Variants in TNS1 observed in about 807,000 individuals in gnomAD.
The protein encoded by TNS1 is tensin-1.
A neutral mutation model predicts 168.6 loss-of-function variants in TNS1; 62 were observed. The observed-to-expected ratio is 0.37, with a 90% CI of 0.30 to 0.45. The LOEUF (loss-of-function observed/expected upper bound fraction) is 0.45. Among genes scored for constraint, TNS1 ranks in the 20% least tolerant of loss-of-function variants. The probability of loss-of-function intolerance (pLI) is 1.00; values close to 1 mark genes in which losing one functional copy is unlikely to be tolerated. For missense variants in TNS1, 2,240 were observed against 2,339.4 expected, an observed-to-expected ratio of 0.96 and a Z score of 0.88; for synonymous variants, 934 against 933.2, an observed-to-expected ratio of 1.00 and a Z score of -0.02.
At position 217,831,527 on chromosome 2, in the gene TNS1, C is replaced by A; in HGVS notation, c.3301G>T (p.Ala1101Ser). 2 of 1,549,096 alleles carry A rather than the reference C, an allele frequency of 1.3e-6. No individual in the cohort carries two copies. The highest frequency in any genetic ancestry group is 1.7e-6 in the Non-Finnish European group (2 of 1,151,738). ...CCCAGAGCAGACAGGGGTGTCTTGG[C>A]CAGACCCGGGGGGGACCGCACTGTG... ...PSGVRSPPGL[A>S]KTPLSALGLK... The change falls in exon 22 of 33, where the codon GCC (alanine) becomes TCC (serine). Residue 1101 changes from alanine (A) to serine (S), a missense_variant. This residue lies in a region of TNS1 where 2,131 missense variants were observed against 2,171.2 expected (regional missense o/e 0.98). Transcript: ENST00000682258.
intron 19 of TNS1, 22 bp downstream of exon 19, chr2:217,847,488 G>A (rs1946816873): frequency 7.0e-7 from 1 of 1,425,510 alleles, no homozygotes; most frequent in Non-Finnish European, 9.3e-7. Context: ...GGTAGAAGGA[G>A]TCAGGACTGA....
intron 19 of TNS1, among the ~76,000 whole-genome samples, chr2:217,843,798 C>T (rs1471403465): frequency 6.6e-6 from 1 of 152,206 alleles, no homozygotes; most frequent in Non-Finnish European, 1.5e-5. Context: ...TACCTCCCTT[C>T]ATGGCCATTC....
At chr2:217,967,049 G>A (rs1377250302) in intron 3 of TNS1, among the ~76,000 whole-genome samples, 1 of 152,238 alleles carries the variant, frequency 6.6e-6, no homozygotes, top group Non-Finnish European at 1.5e-5. Context: ...GCCGGGTGCG[G>A]TGGCTCACGC....
At chr2:218,000,947 T>A (rs2105977302) in intron 1 of TNS1, among the ~76,000 whole-genome samples, 1 of 152,016 alleles carries the variant, frequency 6.6e-6, no homozygotes, top group African/African-American at 2.4e-5. Context: ...AGGTCAGGAG[T>A]TCGAGGCCAG....
rs139640245 is a variant in TNS1 at position 217,954,970 on chromosome 2, G to A, written c.186+23795C>T. Among the ~76,000 whole-genome samples the A allele has an allele frequency of 2.7e-3, 404 of 152,120 alleles. 2 individuals are homozygous for A. Among genetic ancestry groups the A allele is most frequent in the Admixed American group, 5.8e-3 (88 of 15,296 alleles). On this transcript the variant is annotated intron_variant, in intron 3 of 32. Transcript: ENST00000682258. ...ACAAAAGATCCATGCACACACTTCC[G>A]TGAATGTACACACACACACACACAG...
At chr2:217,960,071 G>A (rs1418658868) in intron 3 of TNS1, among the ~76,000 whole-genome samples, 2 of 152,086 alleles carry the variant, frequency 1.3e-5, no homozygotes, top group Non-Finnish European at 2.9e-5. Context: ...CCGCTGCACA[G>A]CCCCTCACCT....
intron 3 of TNS1, among the ~76,000 whole-genome samples, chr2:217,939,072 C>A (rs1956780869): frequency 6.6e-6 from 1 of 152,090 alleles, no homozygotes; most frequent in African/African-American, 2.4e-5. Context: ...TAATAACTAA[C>A]CTTCATTGAG....
chr2:217,872,792 T>C (rs1477498661), intron 18 of TNS1, among the ~76,000 whole-genome samples: 3 of 152,240 alleles, frequency 2.0e-5, no homozygotes, highest in Non-Finnish European at 2.9e-5. Context: ...AATGCAAATG[T>C]TCATCAATTG....
chr2:217,831,020 G>A (rs531390722), intron 22 of TNS1, among the ~76,000 whole-genome samples: 1 of 152,308 alleles, frequency 6.6e-6, no homozygotes, highest in South Asian at 2.1e-4. Context: ...AGAGCCAGCT[G>A]GGCTGCCAGC....
In TNS1 at chr2:217,818,223, G is replaced by T. The variant is rs766711676; in HGVS notation, c.4109C>A (p.Thr1370Asn). 6 of 1,613,826 alleles carry T rather than the reference G, an allele frequency of 3.7e-6. No individual in the cohort carries two copies. The highest frequency in any genetic ancestry group is 3.3e-5 in the South Asian group (3 of 91,068). The change falls in exon 24 of 33, where the codon ACC (threonine) becomes AAC (asparagine). Residue 1370 changes from threonine to asparagine, a missense_variant. Coordinates refer to ENST00000682258, the MANE Select transcript of TNS1 (RefSeq NM_001387777.1). ...CCGGCCCAGGCTGGGACTCCCCGGGGTGGTGGCCACTTTGTTGTGGAGGCC... is the reference window on the plus strand; with the variant it reads ...CCGGCCCAGGCTGGGACTCCCCGGGTTGGTGGCCACTTTGTTGTGGAGGCC... ...VSGLHNKVAT[T>N]PGSPSLGRHP...
chr2:217,893,429 C>G lies in TNS1; in HGVS notation c.717+10G>C, dbSNP rs1482487004. 2 of 1,590,980 alleles carry G rather than the reference C, an allele frequency of 1.3e-6. No individual in the cohort carries two copies. The highest frequency in any genetic ancestry group is 8.6e-7 in the Non-Finnish European group (1 of 1,165,206). On this transcript the variant is annotated intron_variant, in intron 10 of 32. Coordinates refer to ENST00000682258, the MANE Select transcript of TNS1 (RefSeq NM_001387777.1). ...ACACACACACACACACACACACACA[C>G]AGCTCTGACCTTGTTGTGTAGAACA...
At chr2:217,893,400 G>GCACA (rs55877465) in intron 10 of TNS1, 39 bp downstream of exon 10, 62,269 of 1,455,756 alleles carry the variant, frequency 0.043, 174 homozygotes, top group Admixed American at 0.056. Flanking sequence ...GTGCGCGCGC[G>GCACA]CACACACACA....
intron 18 of TNS1, chr2:217,850,552 C>T (rs530461680): frequency 1.0e-6 from 1 of 984,340 alleles, no homozygotes; most frequent in East Asian, 1.1e-4. Flanking sequence ...ACACCCTGTA[C>T]AGTCAGCAGC....
chr2:217,953,424 A>G (rs1002320439), intron 3 of TNS1, among the ~76,000 whole-genome samples: 2 of 152,242 alleles, frequency 1.3e-5, no homozygotes, highest in Admixed American at 6.5e-5. Context: ...TGTACAGCCA[A>G]TCGGCCATTA....
At chr2:217,940,294 G>T (rs1376893298) in intron 3 of TNS1, among the ~76,000 whole-genome samples, 1 of 152,130 alleles carries the variant, frequency 6.6e-6, no homozygotes, top group East Asian at 1.9e-4. Context: ...GCTGGTAACT[G>T]GGAGGGCTTT....
rs975913421 is a variant in TNS1, at chr2:217,803,715, G to C, written c.*744C>G. The C allele has an allele frequency of 6.5e-6, 1 of 152,702 alleles. No individual in the cohort carries two copies. Among genetic ancestry groups the C allele is most frequent in the Non-Finnish European group, 1.5e-5 (1 of 68,128 alleles). 9.5% of individuals were successfully genotyped at this position (152,702 alleles called of 1,614,324 possible). A position where few individuals can be genotyped will look rare whatever the true frequency, so the allele number is the denominator to read the frequency against. Reference sequence around the variant, plus strand: ...GAGAGCCTCTGTCACCCATAGCTTGGTTGTTTGTCCCTCCCCTGCTGCACT... The same window carrying C: ...GAGAGCCTCTGTCACCCATAGCTTGCTTGTTTGTCCCTCCCCTGCTGCACT... On this transcript the variant is annotated 3_prime_UTR_variant, in exon 33 of 33. Transcript: ENST00000682258.
upstream of TNS1, chr2:218,010,527 T>G: frequency 5.0e-6 from 1 of 198,114 alleles, no homozygotes. Flanking sequence ...AGCCTCCGCC[T>G]CCTGCTTCCC....
At chr2:217,857,583 T>C (rs1948298750) in intron 18 of TNS1, among the ~76,000 whole-genome samples, 2 of 152,324 alleles carry the variant, frequency 1.3e-5, no homozygotes, top group South Asian at 4.2e-4. Context: ...GTCCCAGGTA[T>C]CTTCTTACTT....
At position 217,804,574 on chromosome 2, in the gene TNS1, C is replaced by T; in HGVS notation, c.5405G>A (p.Gly1802Asp). The T allele has an allele frequency of 6.2e-7, 1 of 1,614,130 alleles. No individual in the cohort carries two copies. Among genetic ancestry groups the T allele is most frequent in the South Asian group, 1.1e-5 (1 of 91,078 alleles). The change falls in exon 33 of 33, where the codon GGC becomes GAC. Residue 1802 changes from glycine to aspartate, a missense_variant. Physicochemically the swap from Gly to Asp is moderately conservative, Grantham distance 94. Transcript: ENST00000682258. ...KLFGFVARKQ[G>D]STTDNACHLF... Reference sequence around the variant, plus strand: ...GTGGCAGGCGTTGTCCGTGGTGCTGCCCTGCTTCCGGGCCACGAAGCCGAA... The same window carrying T: ...GTGGCAGGCGTTGTCCGTGGTGCTGTCCTGCTTCCGGGCCACGAAGCCGAA...
Sources: allele counts gnomAD v4.1 joint callset (sites outside exome capture counted in the v4.1 genomes callset), GRCh38; gene constraint gnomAD v4.1.1; regional missense constraint gnomAD v4.1.1; transcripts MANE v1.5; gene names NCBI Gene and HGNC (gene_info 2026-07-23, HGNC 2026-07-21).